The following PSD3 variants were observed in gnomAD, a reference collection of about 807,000 sequenced individuals.
The protein encoded by PSD3 is pleckstrin and Sec7 domain containing 3.
In PSD3, 49 loss-of-function variants were observed where a neutral mutation model predicts 105.5. The ratio of observed to expected loss-of-function variants is 0.46; its 90% CI spans 0.37 to 0.59. The LOEUF (loss-of-function observed/expected upper bound fraction) is 0.59, where lower values mean the gene tolerates loss of function less well. Among genes scored for constraint, PSD3 ranks in the 20% least tolerant of loss-of-function variants. The pLI, the probability that PSD3 is intolerant of heterozygous loss-of-function variation, is 0.00. For synonymous variants in PSD3, 557 were observed against 457.8 expected, an observed-to-expected ratio of 1.22 and a Z score of -2.77; for missense variants, 1,561 against 1,263.8, an observed-to-expected ratio of 1.24 and a Z score of -3.57.
intron 2 of PSD3, among the ~76,000 whole-genome samples, chr8:18,916,274 T>G (rs1219480290): frequency 2.4e-5 from 3 of 127,560 alleles, no homozygotes; most frequent in Non-Finnish European, 4.8e-5. Context: ...GTCTATGGAT[T>G]GCTGAATGGA....
intron 9 of PSD3, among the ~76,000 whole-genome samples, chr8:18,751,579 C>T (rs1447255864): frequency 6.7e-6 from 1 of 150,182 alleles, no homozygotes; most frequent in African/African-American, 2.5e-5. Context: ...CCGGAGGCGC[C>T]ACCACTAGTC....
At chr8:18,572,233 G>C (rs1374790794) in intron 14 of PSD3, among the ~76,000 whole-genome samples, 2 of 152,224 alleles carry the variant, frequency 1.3e-5, no homozygotes, top group African/African-American at 4.8e-5. Flanking sequence ...GCCAGATTAT[G>C]AGCTGGCAGT....
chr8:18,883,358 T>G (rs1190197016), intron 2 of PSD3, among the ~76,000 whole-genome samples: 4 of 152,204 alleles, frequency 2.6e-5, no homozygotes, highest in Non-Finnish European at 5.9e-5. Context: ...GAGAAACACT[T>G]GATCATTCTG....
At chr8:18,824,897 G>A (rs887501395) in intron 4 of PSD3, among the ~76,000 whole-genome samples, 2 of 152,114 alleles carry the variant, frequency 1.3e-5, no homozygotes, top group Non-Finnish European at 2.9e-5. Flanking sequence ...ACAAACAAGA[G>A]GACAAGAATT....
At chr8:18,905,359 T>C (rs1819772300) in intron 2 of PSD3, among the ~76,000 whole-genome samples, 1 of 152,222 alleles carries the variant, frequency 6.6e-6, no homozygotes, top group South Asian at 2.1e-4. Context: ...AGTCTTGCTC[T>C]GTTGCCCAGG....
chr8:18,588,371 G>A (rs541677594), intron 12 of PSD3, among the ~76,000 whole-genome samples: 2 of 152,156 alleles, frequency 1.3e-5, no homozygotes, highest in Non-Finnish European at 2.9e-5. Flanking sequence ...ATCTGTGCAA[G>A]GTTTCCAGGA....
intron 4 of PSD3, among the ~76,000 whole-genome samples, chr8:18,860,999 G>C (rs537794667): frequency 8.5e-5 from 13 of 152,226 alleles, no homozygotes; most frequent in Admixed American, 6.5e-4. Flanking sequence ...AATTACTTTG[G>C]TTTGTTTGTT....
chr8:18,584,011 C>T (rs1383288625), intron 12 of PSD3, among the ~76,000 whole-genome samples: 1 of 152,234 alleles, frequency 6.6e-6, no homozygotes, highest in South Asian at 2.1e-4. Context: ...ATACTTAAGC[C>T]ATATTTTAAG....
At position 19,009,708 on chromosome 8, in the gene PSD3, G is replaced by A. The variant is rs180990390; in HGVS notation, c.21+3855C>T. Among the ~76,000 whole-genome samples the A allele has an allele frequency of 4.0e-3, 607 of 152,262 alleles. 5 individuals are homozygous for A. The highest frequency in any genetic ancestry group is 0.013 in the African/African-American group (557 of 41,540). ...AGTTTGAGACCAGCCTGGGCAACAC[G>A]ATGAAACCCCGTCTATACTAAAAAT... is the stretch of plus-strand genomic sequence containing the variant. On this transcript the variant is annotated intron_variant, in intron 1 of 15. Transcript: ENST00000327040.
intron 1 of PSD3, among the ~76,000 whole-genome samples, chr8:19,035,303 T>C (rs147272830): frequency 2.6e-5 from 4 of 152,330 alleles, no homozygotes; most frequent in African/African-American, 9.6e-5. Context: ...TGTGTATCTC[T>C]ATTTACTGCC....
intron 4 of PSD3, among the ~76,000 whole-genome samples, chr8:18,845,881 C>T (rs1815049208): frequency 6.6e-6 from 1 of 152,158 alleles, no homozygotes; most frequent in African/African-American, 2.4e-5. Context: ...AAAATAAACA[C>T]ATCTAAATGA....
At chr8:18,604,304 T>A (rs532453169) in intron 11 of PSD3, among the ~76,000 whole-genome samples, 1 of 152,262 alleles carries the variant, frequency 6.6e-6, no homozygotes, top group East Asian at 1.9e-4. Context: ...CCAAAGAACA[T>A]GGCTTGCACT....
intron 1 of PSD3, among the ~76,000 whole-genome samples, chr8:18,983,816 T>C (rs1171923582): frequency 6.6e-6 from 1 of 151,186 alleles, no homozygotes. Flanking sequence ...CAGGGCAACA[T>C]AGCCAGACGC....
intron 4 of PSD3, among the ~76,000 whole-genome samples, chr8:18,841,705 A>G (rs1340748925): frequency 1.3e-5 from 2 of 152,182 alleles, no homozygotes; most frequent in Non-Finnish European, 2.9e-5. Context: ...AGTTTTCAAG[A>G]GACCTCCATC....
At chr8:18,953,097 G>A (rs1474917135) in intron 1 of PSD3, among the ~76,000 whole-genome samples, 2 of 152,058 alleles carry the variant, frequency 1.3e-5, no homozygotes, top group Non-Finnish European at 2.9e-5. Context: ...TACAAATGGC[G>A]AATACACATT....
At chr8:19,069,661 G>C (rs927655328) in intron 1 of PSD3, among the ~76,000 whole-genome samples, 1 of 152,148 alleles carries the variant, frequency 6.6e-6, no homozygotes, top group Non-Finnish European at 1.5e-5. Context: ...TAAGGGCTTC[G>C]AATCTTTTGT....
intron 1 of PSD3, among the ~76,000 whole-genome samples, chr8:19,051,089 T>C (rs1586669469): frequency 6.6e-6 from 1 of 152,286 alleles, no homozygotes; most frequent in East Asian, 1.9e-4. Flanking sequence ...ACACTGCAGC[T>C]AGGGTGCACA....
chr8:18,922,037 T>G (rs1465554580), intron 2 of PSD3, among the ~76,000 whole-genome samples: 1 of 152,220 alleles, frequency 6.6e-6, no homozygotes, highest in African/African-American at 2.4e-5. Flanking sequence ...AAGTTAAAAA[T>G]GCCAGTATGT....
chr8:18,977,622 G>A (rs1458978920), intron 1 of PSD3, among the ~76,000 whole-genome samples: 1 of 152,088 alleles, frequency 6.6e-6, no homozygotes, highest in Non-Finnish European at 1.5e-5. Context: ...TATGAGAGAT[G>A]TATAGAACAT....
Sources: gnomAD v4.1 joint callset for allele counts (sites outside exome capture counted in the v4.1 genomes callset) on GRCh38, gnomAD v4.1.1 for gene constraint, MANE v1.5 for transcripts, NCBI Gene and HGNC (gene_info 2026-07-23, HGNC 2026-07-21) for gene names.